BEGAIN: variants seen among roughly 807,000 people sequenced by gnomAD.
The protein encoded by BEGAIN is brain-enriched guanylate kinase-associated protein.
A neutral mutation model predicts 35.8 loss-of-function variants in BEGAIN; 19 were observed. The observed-to-expected ratio is 0.53, with a 90% confidence interval of 0.37 to 0.78. The LOEUF is 0.78. BEGAIN is among the 30% of genes least tolerant of loss of function. The pLI, the probability that BEGAIN is intolerant of heterozygous loss-of-function variation, is 0.00. For missense variants in BEGAIN, 795 were observed against 853.6 expected (o/e 0.93, Z 0.85); for synonymous variants, 462 against 388.6 (o/e 1.19, Z -2.22).
At chr14:100,555,099 A>G (rs2033580516) in intron 2 of BEGAIN, among the ~76,000 whole-genome samples, 1 of 152,224 alleles carries the variant, frequency 6.6e-6, no homozygotes, top group South Asian at 2.1e-4. Context: ...CAGAACCTAC[A>G]GTTGGCCCCT....
chr14:100,556,077 C>T (rs911913765), intron 2 of BEGAIN, among the ~76,000 whole-genome samples: 2 of 152,088 alleles, frequency 1.3e-5, no homozygotes, highest in African/African-American at 2.4e-5. Flanking sequence ...GGAGGGGTGG[C>T]CTGGAGAGGA....
At chr14:100,546,411 C>CTCACCTGCGCA (rs2032433592) in intron 3 of BEGAIN, 90 bp downstream of exon 3, 1 of 58,408 alleles carries the variant, frequency 1.7e-5, no homozygotes, top group African/African-American at 1.1e-4. Context: ...CGCCCCGCCC[C>CTCACCTGCGCA]GGCCCTCGCC....
At position 100,568,333 on chromosome 14, in the gene BEGAIN, C is replaced by T; in HGVS notation, c.43-394G>A. 4.6e-6 allele frequency: 3 copies of T among 659,226 alleles called. No individual in the cohort carries two copies. Among genetic ancestry groups the T allele is most frequent in the Non-Finnish European group, 2.3e-6 (1 of 432,172 alleles). 40.8% of individuals were successfully genotyped at this position (659,226 alleles called of 1,614,324 possible). On this transcript the variant is annotated intron_variant, in intron 1 of 6. Transcript: ENST00000554140. This position sits in a 1 kb window ranked among gnomAD's most constrained non-coding sequence, Gnocchi z 7.5. The stretch of plus-strand genomic sequence containing the variant: ...CCCCCCGCCCCGCCCGTTAACCCTT[C>T]CTGCCCCGCGCTCCCTCCCGGAGGA...
intron 2 of BEGAIN, among the ~76,000 whole-genome samples, chr14:100,561,787 G>A (rs1233516764): frequency 6.6e-6 from 1 of 152,046 alleles, no homozygotes; most frequent in Non-Finnish European, 1.5e-5. Context: ...AAACCTAGGT[G>A]CGTCTACCTT....
rs749065057 is a variant in BEGAIN at position 100,546,555 on chromosome 14, A to T, written c.179T>A (p.Ile60Asn). The T allele has an allele frequency of 6.3e-7, 1 of 1,582,134 alleles. No individual in the cohort carries two copies. The highest frequency in any genetic ancestry group is 8.6e-7 in the Non-Finnish European group (1 of 1,168,476). The change falls in exon 3 of 7, where the codon ATC becomes AAC. Residue 60 changes from isoleucine to asparagine, a missense_variant. Physicochemically the swap from Ile to Asn is moderately radical, Grantham distance 149. This residue lies in a region of BEGAIN where 58 missense variants were observed against 62.7 expected (regional missense o/e 0.92). Transcript: ENST00000554140. ...EFDSTRHYLE[I>N]ELRRAQEELE... ...TTCCTCCTGCGCGCGCCGCAGCTCG[A>T]TCTCCAGGTAGTGGCGCGTGGAGTC...
Position 100,538,296 on chromosome 14 carries a change from G to C in BEGAIN, c.1512C>G (p.Gly504=). 1 of 1,543,484 alleles carries C rather than the reference G, an allele frequency of 6.5e-7. No individual in the cohort carries two copies. Among genetic ancestry groups the C allele is most frequent in the Non-Finnish European group, 8.7e-7 (1 of 1,154,022 alleles). ...GCAGGAAGCAGGGCTCTGCCAGGTG[G>C]CCCTGGGAGAGGTCGTCCCCCTCGG... ...SFSEGDDLSQ[G]HLAEPCFLRA... is the part of the protein sequence containing the mutation. Residue 504 remains glycine (G), a synonymous_variant, in exon 7 of 7, where the codon GGC becomes GGG. Coordinates refer to ENST00000554140, the MANE Select transcript of BEGAIN (RefSeq NM_001385089.1).
chr14:100,585,738 T>A (rs2035430221), intron 1 of BEGAIN, among the ~76,000 whole-genome samples: 1 of 152,008 alleles, frequency 6.6e-6, no homozygotes, highest in African/African-American at 2.4e-5. Context: ...AAACTCATCC[T>A]CCAGGCTGAG....
At chr14:100,559,711 C>G (rs12891234) in intron 2 of BEGAIN, among the ~76,000 whole-genome samples, 28,453 of 152,140 alleles carry the variant, frequency 0.19, 3,583 homozygotes, top group East Asian at 0.57. Flanking sequence ...TATCAGTAAT[C>G]GTGGACTGCA....
chr14:100,541,702 G>C lies in BEGAIN; in HGVS notation c.409-1123C>G, dbSNP rs188714020. On this transcript the variant is annotated intron_variant, in intron 5 of 6. Transcript: ENST00000554140. Reference sequence around the variant, plus strand: ...CACTGAGCCCCACCAGCCACAGCCAGGAGTGGCTGCCACTGGGAAGCCGGT... The same window carrying C: ...CACTGAGCCCCACCAGCCACAGCCACGAGTGGCTGCCACTGGGAAGCCGGT... Among the ~76,000 whole-genome samples, 1,274 of 152,340 alleles carry C rather than the reference G, an allele frequency of 8.4e-3. 13 individuals are homozygous for C. Among genetic ancestry groups the C allele is most frequent in the African/African-American group, 0.029 (1,192 of 41,584 alleles).
At chr14:100,565,241 A>G (rs577443119) in intron 2 of BEGAIN, among the ~76,000 whole-genome samples, 3 of 152,324 alleles carry the variant, frequency 2.0e-5, no homozygotes, top group Admixed American at 1.3e-4. Flanking sequence ...CAGGGAAGAC[A>G]CAGAGTTTGT....
chr14:100,570,566 C>T (rs1024697628), intron 1 of BEGAIN, among the ~76,000 whole-genome samples: 4 of 152,226 alleles, frequency 2.6e-5, no homozygotes, highest in African/African-American at 9.6e-5. Flanking sequence ...GACTCTGTGT[C>T]CCAGCTCTGT....
In BEGAIN at chr14:100,573,510, C is replaced by T. The variant is rs1451061182; in HGVS notation, c.43-5571G>A. Among the ~76,000 whole-genome samples the T allele has an allele frequency of 6.6e-6, 1 of 152,090 alleles. No individual in the cohort carries two copies. Among genetic ancestry groups the T allele is most frequent in the African/African-American group, 2.4e-5 (1 of 41,412 alleles). Reference sequence around the variant, plus strand: ...ATGAATGGGGGCGTCTCTGGCACACCACTGTGTGGAGAGGGGCAAGTGCAG... The same window carrying T: ...ATGAATGGGGGCGTCTCTGGCACACTACTGTGTGGAGAGGGGCAAGTGCAG... On this transcript the variant is annotated intron_variant, in intron 1 of 6. Coordinates refer to ENST00000554140, the MANE Select transcript of BEGAIN (RefSeq NM_001385089.1). The surrounding 1 kb of genome is among the most constrained non-coding windows in gnomAD (Gnocchi z 4.2).
chr14:100,545,071 T>C lies in BEGAIN; in HGVS notation c.234-5A>G. ...GCCATGTAGTTGCTCTGAATCCTGG[T>C]GCAGGAGGCAAGGGGGTCACTGCCA... On this transcript the variant is annotated splice_region_variant and splice_polypyrimidine_tract_variant and intron_variant, in intron 3 of 6. Transcript: ENST00000554140. 1 of 1,613,304 alleles carries C rather than the reference T, an allele frequency of 6.2e-7. No individual in the cohort carries two copies. Among genetic ancestry groups the C allele is most frequent in the Non-Finnish European group, 8.5e-7 (1 of 1,179,986 alleles).
Position 100,538,431 on chromosome 14 carries a change from T to C in BEGAIN, c.1377A>G (p.Ser459=), listed in dbSNP as rs575866220. 2.8e-5 allele frequency: 45 copies of C among 1,585,722 alleles called. No homozygotes were observed. Among genetic ancestry groups the C allele is most frequent in the Non-Finnish European group, 3.8e-5 (44 of 1,168,780 alleles). ...SYPVSAAGRA[S]PCSFSERYYG... ...AGTAGCGTTCAGAGAAGCTGCAGGG[T>C]GAGGCGCGGCCGGCAGCGCTCACGG... Residue 459 remains serine, a synonymous_variant, in exon 7 of 7, where the codon TCA becomes TCG. Coordinates refer to ENST00000554140, the MANE Select transcript of BEGAIN (RefSeq NM_001385089.1).
At chr14:100,555,339 T>C (rs1287275188) in intron 2 of BEGAIN, among the ~76,000 whole-genome samples, 1 of 152,258 alleles carries the variant, frequency 6.6e-6, no homozygotes, top group Non-Finnish European at 1.5e-5. Context: ...CTGTGTTCCC[T>C]GTGCCCGTGG....
Position 100,551,971 on chromosome 14 carries a change from C to G in BEGAIN, c.72-5309G>C, listed in dbSNP as rs183232074. Among the ~76,000 whole-genome samples, 4 of 152,258 alleles carry G rather than the reference C, an allele frequency of 2.6e-5. No homozygotes were observed. In the East Asian group the frequency reaches 7.7e-4, roughly 29 times the overall value. On this transcript the variant is annotated intron_variant, in intron 2 of 6. Transcript: ENST00000554140. Reference sequence around the variant, plus strand: ...AGCAAATGACCCCGGTGCTGCTGAGCGAACAGAAAACAGGATGGGATGAGT... The same window carrying G: ...AGCAAATGACCCCGGTGCTGCTGAGGGAACAGAAAACAGGATGGGATGAGT...
rs189039413 is a variant in BEGAIN at position 100,586,073 on chromosome 14, G to A, written c.42+1176C>T. Among the ~76,000 whole-genome samples the A allele has an allele frequency of 3.1e-3, 477 of 152,336 alleles. 4 individuals are homozygous for A. Among genetic ancestry groups the A allele is most frequent in the African/African-American group, 0.011 (455 of 41,578 alleles). ...GATGCCAGGCAGAGCCACCCCCAAC[G>A]GCCAGTTGCCCCTGCTGGCAAGACC... On this transcript the variant is annotated intron_variant, in intron 1 of 6. Transcript: ENST00000554140. This position sits in a 1 kb window ranked among gnomAD's most constrained non-coding sequence, Gnocchi z 4.9.
chr14:100,556,066 A>G (rs2033690760), intron 2 of BEGAIN, among the ~76,000 whole-genome samples: 1 of 152,128 alleles, frequency 6.6e-6, no homozygotes, highest in Non-Finnish European at 1.5e-5. Context: ...TCCCTCAGCC[A>G]GGAGGGGTGG....
chr14:100,587,262 C>G lies in BEGAIN; in HGVS notation c.29G>C (p.Arg10Pro), dbSNP rs1054690157. The G allele has an allele frequency of 1.1e-5, 2 of 190,274 alleles. No individual in the cohort carries two copies. The highest frequency in any genetic ancestry group is 2.2e-5 in the Non-Finnish European group (2 of 92,526). The allele number at this position is 190,274 out of a possible 1,614,324, so 11.8% of individuals were successfully genotyped here. Reference protein sequence around the residue: MWTGGRRPGRLRRAASAADM... With the variant: MWTGGRRPGPLRRAASAADM... ...GCAGGTACTCACCGCCCGGCGCAGCCGGCCCGGCCGGCGACCGCCAGTCCA... is the reference window on the plus strand; with the variant it reads ...GCAGGTACTCACCGCCCGGCGCAGCGGGCCCGGCCGGCGACCGCCAGTCCA... The change falls in exon 1 of 7, where the codon CGG (arginine) becomes CCG (proline). Residue 10 changes from arginine (R) to proline (P), a missense_variant. Around this residue, in one of 3 missense-constraint regions of BEGAIN, gnomAD observed 58 missense variants for 62.7 expected, o/e 0.92. Coordinates refer to ENST00000554140, the MANE Select transcript of BEGAIN (RefSeq NM_001385089.1).
Sources: gnomAD v4.1 joint callset for allele counts (sites outside exome capture counted in the v4.1 genomes callset) on GRCh38, gnomAD v4.1.1 for gene constraint, gnomAD v4.1.1 regional missense constraint, Gnocchi (gnomAD v3.1) non-coding constraint, MANE v1.5 for transcripts, NCBI Gene and HGNC (gene_info 2026-07-23, HGNC 2026-07-21) for gene names.